ITIH1: variants seen among roughly 807,000 people sequenced by gnomAD.
The protein encoded by ITIH1 is inter-alpha-trypsin inhibitor heavy chain H1.
In ITIH1, 94 loss-of-function variants were observed where a neutral mutation model predicts 104.6. The observed-to-expected ratio is 0.90, with a 90% CI of 0.76 to 1.07. The LOEUF (loss-of-function observed/expected upper bound fraction) is 1.07, where lower values mean the gene tolerates loss of function less well. ITIH1 is among the 50% of genes least tolerant of loss of function. The probability of loss-of-function intolerance (pLI) is 0.00; values close to 1 mark genes in which losing one functional copy is unlikely to be tolerated. For synonymous variants in ITIH1, 455 were observed against 464.4 expected, an observed-to-expected ratio of 0.98 and a Z score of 0.26; for missense variants, 1,193 against 1,181.4, an observed-to-expected ratio of 1.01 and a Z score of -0.14.
Position 52,787,171 on chromosome 3 carries a change from C to G in ITIH1, c.1889-17C>G, listed in dbSNP as rs750761620. On this transcript the variant is annotated splice_polypyrimidine_tract_variant and intron_variant, in intron 14 of 21. Coordinates refer to ENST00000273283, the MANE Select transcript of ITIH1 (RefSeq NM_002215.4). ...ACCTCTGGGGCTCTAATTATTTTCT[C>G]TTTCTCTCCCTTCCAGATTCTCCGC... The G allele has an allele frequency of 1.7e-5, 28 of 1,614,010 alleles. No homozygotes were observed. Among genetic ancestry groups the G allele is most frequent in the Non-Finnish European group, 2.4e-5 (28 of 1,180,042 alleles).
rs763284048 is a variant in ITIH1 at position 52,779,608 on chromosome 3, C to G, written c.573+14C>G. On this transcript the variant is annotated intron_variant, in intron 5 of 21. Coordinates refer to ENST00000273283, the MANE Select transcript of ITIH1 (RefSeq NM_002215.4). This position sits in a 1 kb window ranked among gnomAD's most constrained non-coding sequence, Gnocchi z 4.4. ...CATCATTTTGAGGTAGATCACAGGT[C>G]CCGGGGCAGGGGTCCTGCCCCTCTC... 2 of 1,613,954 alleles carry G rather than the reference C, an allele frequency of 1.2e-6. No individual in the cohort carries two copies. Among genetic ancestry groups the G allele is most frequent in the African/African-American group, 2.7e-5 (2 of 75,038 alleles).
At position 52,781,983 on chromosome 3, in the gene ITIH1, G is replaced by T; in HGVS notation, c.731G>T (p.Cys244Phe). The T allele has an allele frequency of 6.2e-7, 1 of 1,614,156 alleles. No homozygotes were observed. Among genetic ancestry groups the T allele is most frequent in the South Asian group, 1.1e-5 (1 of 91,080 alleles). Residue 244 changes from cysteine to phenylalanine, a missense_variant, in exon 7 of 22, where the codon TGC becomes TTC. Physicochemically the swap from Cys to Phe is radical, Grantham distance 205 (BLOSUM62 -2). Coordinates refer to ENST00000273283, the MANE Select transcript of ITIH1 (RefSeq NM_002215.4). ...FRPTVSQQQSCPTCSTSLLNG... is the reference protein window; with the variant it reads ...FRPTVSQQQSFPTCSTSLLNG... ...CCCACCGTGAGCCAGCAGCAGTCCT[G>T]CCCCACATGCTCTACATCCTTACTG...
At chr3:52,781,205 T>TCTTC (rs1559461176) in intron 6 of ITIH1, among the ~76,000 whole-genome samples, 3 of 72,310 alleles carry the variant, frequency 4.1e-5, no homozygotes, top group African/African-American at 6.7e-5. Context: ...TTCTTTTTTT[T>TCTTC]TTTTTCTTCT....
chr3:52,782,833 G>A, intron 8 of ITIH1, 124 bp from the exon 9 acceptor site: 1 of 950,146 alleles, frequency 1.1e-6, no homozygotes. Flanking sequence ...GGGCCACCTG[G>A]TTGTCCTATC....
At chr3:52,790,653 G>A (rs1003997247) in intron 19 of ITIH1, 96 bp from the exon 20 acceptor site, 78 of 1,232,656 alleles carry the variant, frequency 6.3e-5, no homozygotes, top group African/African-American at 1.2e-4. Context: ...GGGTGGGGGC[G>A]TGGTCATAAG....
chr3:52,791,707 G>A, intron 21 of ITIH1, 75 bp from the exon 22 acceptor site: 1 of 1,606,934 alleles, frequency 6.2e-7, no homozygotes, highest in Non-Finnish European at 8.5e-7. Flanking sequence ...GTGTCACATG[G>A]GTGGGGTGAG....
In ITIH1 at chr3:52,781,978, G is replaced by A. The variant is rs778128566; in HGVS notation, c.726G>A (p.Gln242=). 2.5e-6 allele frequency: 4 copies of A among 1,614,184 alleles called. No homozygotes were observed. The South Asian group carries it at 4.4e-5, about 18-fold the overall frequency. ...TCCGTCCCACCGTGAGCCAGCAGCA[G>A]TCCTGCCCCACATGCTCTACATCCT... ...VLFRPTVSQQ[Q]SCPTCSTSLL... is the part of the protein sequence containing the mutation. Residue 242 remains glutamine, a synonymous_variant, in exon 7 of 22, where the codon CAG becomes CAA. Coordinates refer to ENST00000273283, the MANE Select transcript of ITIH1 (RefSeq NM_002215.4).
chr3:52,779,425 C>A lies in ITIH1; in HGVS notation c.411-7C>A. 2 of 1,614,244 alleles carry A rather than the reference C, an allele frequency of 1.2e-6. No individual in the cohort carries two copies. Among genetic ancestry groups the A allele is most frequent in the Non-Finnish European group, 1.7e-6 (2 of 1,180,026 alleles). On this transcript the variant is annotated splice_region_variant and splice_polypyrimidine_tract_variant and intron_variant, in intron 4 of 21. Transcript: ENST00000273283. The surrounding 1 kb of genome is among the most constrained non-coding windows in gnomAD (Gnocchi z 4.4). ...CTGTCTGCTGTTGCCTCTGGTGGCA[C>A]ATCCAGGGCCTCGGGGAGAACTATG...
Position 52,782,263 on chromosome 3 carries a change from A to G in ITIH1, c.926A>G (p.Lys309Arg), listed in dbSNP as rs759234572. The G allele has an allele frequency of 1.2e-5, 19 of 1,612,366 alleles. No homozygotes were observed. In the Admixed American group the frequency reaches 1.8e-4, roughly 16 times the overall value. ...GGCTCCATGAGAGGCCAGAAAGTGA[A>G]GCAGGTAGGCTGCAGCTTGAAACAG... ...ISGSMRGQKV[K>R]QTKEALLKIL... The change falls in exon 8 of 22, where the codon AAG becomes AGG. Residue 309 changes from lysine to arginine, a missense_variant. Physicochemically the swap from Lys to Arg is conservative, Grantham distance 26. Coordinates refer to ENST00000273283, the MANE Select transcript of ITIH1 (RefSeq NM_002215.4).
chr3:52,780,188 C>T (rs1008447232), intron 5 of ITIH1, 81 bp from the exon 6 acceptor site: 3 of 1,193,592 alleles, frequency 2.5e-6, no homozygotes, highest in Non-Finnish European at 3.6e-6. Context: ...CGGCTTGAGC[C>T]CAGGAGTTTG....
intron 8 of ITIH1, among the ~76,000 whole-genome samples, chr3:52,782,652 CA>C (rs1452966494): frequency 1.3e-5 from 2 of 152,208 alleles, no homozygotes; most frequent in Non-Finnish European, 2.9e-5. Flanking sequence ...GTCCATGGTG[CA>C]GTGTAGACAT....
At chr3:52,783,818 C>A (rs1396889625) in intron 10 of ITIH1, among the ~76,000 whole-genome samples, 1 of 151,842 alleles carries the variant, frequency 6.6e-6, no homozygotes, top group Non-Finnish European at 1.5e-5. Flanking sequence ...GACACCTGAC[C>A]CAGGGGGATG....
In ITIH1 at chr3:52,785,356, C is replaced by G; in HGVS notation, c.1593+127C>G. 3 of 862,994 alleles carry G rather than the reference C, an allele frequency of 3.5e-6. No individual in the cohort carries two copies. In the South Asian group the frequency reaches 5.2e-5, roughly 15 times the overall value. The allele number at this position is 862,994 out of a possible 1,614,324, so 53.5% of individuals were successfully genotyped here. ...CCCCAGAGTAGTACCCTCATCCCCA[C>G]CATGCCACATACACCCCAGGCCTGA... On this transcript the variant is annotated intron_variant, in intron 12 of 21. Coordinates refer to ENST00000273283, the MANE Select transcript of ITIH1 (RefSeq NM_002215.4).
At chr3:52,784,186 A>C (rs774879493) in intron 10 of ITIH1, 110 bp from the exon 11 acceptor site, 8 of 927,990 alleles carry the variant, frequency 8.6e-6, no homozygotes, top group Non-Finnish European at 1.3e-5. Context: ...GAGCCTGGAG[A>C]TGCTCTGAGA....
chr3:52,785,209 G>T lies in ITIH1; in HGVS notation c.1573G>T (p.Ala525Ser). ...IADNKQSSFK[A>S]DVQAHGEGQE... is the part of the protein sequence containing the mutation. ...TGACAACAAACAGAGCAGCTTCAAG[G>T]CTGATGTGCAGGCCCATGGGGTAAA... The change falls in exon 12 of 22, where the codon GCT becomes TCT. Residue 525 changes from alanine to serine, a missense_variant. Ala to Ser is a moderately conservative substitution (Grantham distance 99). Coordinates refer to ENST00000273283, the MANE Select transcript of ITIH1 (RefSeq NM_002215.4). The T allele has an allele frequency of 6.2e-7, 1 of 1,614,092 alleles. No homozygotes were observed. The highest frequency in any genetic ancestry group is 2.2e-5 in the East Asian group (1 of 44,872).
rs1699102533 is a variant in ITIH1 at position 52,783,005 on chromosome 3, T to G, written c.979T>G (p.Tyr327Asp). 6.2e-7 allele frequency: 1 copy of G among 1,614,122 alleles called. No individual in the cohort carries two copies. The highest frequency in any genetic ancestry group is 1.6e-4 in the Middle Eastern group (1 of 6,062). ...TCTGGGGGACATGCAGCCAGGGGAC[T>G]ACTTTGACCTGGTTCTTTTTGGGAC... is the stretch of plus-strand genomic sequence containing the variant. ...KILGDMQPGDYFDLVLFGTRV... is the reference protein window; with the variant it reads ...KILGDMQPGDDFDLVLFGTRV... Residue 327 changes from tyrosine to aspartate, a missense_variant, in exon 9 of 22, where the codon TAC (tyrosine) becomes GAC (aspartate). By Grantham distance (160) the Tyr-to-Asp change is radical (BLOSUM62 -3). Transcript: ENST00000273283.
chr3:52,783,393 C>T lies in ITIH1; in HGVS notation c.1225+54C>T. The stretch of plus-strand genomic sequence containing the variant: ...GTAGTGATCTCCTTGTCACCCGAGA[C>T]ATGCAAGCTGAAGTTGGAAACCCAA... On this transcript the variant is annotated intron_variant, in intron 10 of 21. Transcript: ENST00000273283. 3.8e-6 allele frequency: 6 copies of T among 1,582,316 alleles called. 1 individual carries two copies. The South Asian group carries it at 6.8e-5, about 18-fold the overall frequency.
Position 52,778,765 on chromosome 3 carries a change from G to C in ITIH1, c.306-177G>C. On this transcript the variant is annotated intron_variant, in intron 3 of 21. Coordinates refer to ENST00000273283, the MANE Select transcript of ITIH1 (RefSeq NM_002215.4). ...CCAAGGCCAGAGTCTGAGGCTTCTT[G>C]CTGGCCTCTGACCTGGGCTGCTCAC... The C allele has an allele frequency of 2.5e-6, 3 of 1,210,936 alleles. No individual in the cohort carries two copies. In the African/African-American group the frequency reaches 4.6e-5, roughly 19 times the overall value. 75.0% of individuals were successfully genotyped at this position (1,210,936 alleles called of 1,614,324 possible). A position where few individuals can be genotyped will look rare whatever the true frequency, so the allele number is the denominator to read the frequency against.
chr3:52,785,168 T>C lies in ITIH1; in HGVS notation c.1532T>C (p.Val511Ala). 1.9e-6 allele frequency: 3 copies of C among 1,614,090 alleles called. No homozygotes were observed. Among genetic ancestry groups the C allele is most frequent in the Non-Finnish European group, 2.5e-6 (3 of 1,179,992 alleles). The change falls in exon 12 of 22, where the codon GTG becomes GCG. Residue 511 changes from valine (V) to alanine (A), a missense_variant. Coordinates refer to ENST00000273283, the MANE Select transcript of ITIH1 (RefSeq NM_002215.4). ...TACTACGAAGGCTCAGAGATTGTGG[T>C]GGCCGGGCGCATTGCTGACAACAAA... Reference protein sequence around the residue: ...KQYYEGSEIVVAGRIADNKQS... With the variant: ...KQYYEGSEIVAAGRIADNKQS...
Sources: allele counts gnomAD v4.1 joint callset (sites outside exome capture counted in the v4.1 genomes callset), GRCh38; gene constraint gnomAD v4.1.1; non-coding constraint Gnocchi (gnomAD v3.1); transcripts MANE v1.5; gene names NCBI Gene and HGNC (gene_info 2026-07-23, HGNC 2026-07-21).